GABRB3: variants seen among roughly 807,000 people sequenced by gnomAD.
GABRB3 encodes gamma-aminobutyric acid type A receptor subunit beta3.
GABRB3 carries 14 observed loss-of-function variants against 52.1 expected under a neutral mutation model. The observed-to-expected ratio is 0.27, with a 90% CI of 0.18 to 0.42. The LOEUF (loss-of-function observed/expected upper bound fraction) is 0.42, where lower values mean the gene tolerates loss of function less well. GABRB3 is among the 10% of genes least tolerant of loss of function. GABRB3 has a pLI of 1.00. For missense variants in GABRB3, 307 were observed against 609.1 expected (o/e 0.50, Z 5.22); for synonymous variants, 260 against 232.3 (o/e 1.12, Z -1.08).
At chr15:26,650,997 A>T (rs1887180230) in intron 3 of GABRB3, among the ~76,000 whole-genome samples, 1 of 152,086 alleles carries the variant, frequency 6.6e-6, no homozygotes, top group African/African-American at 2.4e-5. Flanking sequence ...TGTGCGACCA[A>T]CCCAACCTCA....
intron 3 of GABRB3, among the ~76,000 whole-genome samples, chr15:26,716,151 G>C (rs1889458909): frequency 6.6e-6 from 1 of 152,200 alleles, no homozygotes; most frequent in East Asian, 1.9e-4. Context: ...ATGTAAGATT[G>C]TATTGATTTT....
chr15:26,548,553 G>A (rs1002390497), intron 8 of GABRB3, among the ~76,000 whole-genome samples: 2 of 152,028 alleles, frequency 1.3e-5, no homozygotes, highest in Non-Finnish European at 2.9e-5. Flanking sequence ...CTTTTCTGAT[G>A]ATATAACACA....
chr15:26,633,471 C>G (rs1181028280), intron 3 of GABRB3, among the ~76,000 whole-genome samples: 2 of 152,106 alleles, frequency 1.3e-5, no homozygotes, highest in Non-Finnish European at 2.9e-5. Context: ...TTAGACTCTC[C>G]TCTTTCCTTT....
At chr15:26,666,254 T>C (rs1165476400) in intron 3 of GABRB3, 1 of 152,246 alleles carries the variant, frequency 6.6e-6, no homozygotes, top group African/African-American at 2.4e-5. Context: ...ATATTACTTA[T>C]GGTCAAACAA....
Position 26,730,070 on chromosome 15 carries a change from C to A in GABRB3, c.240+42332G>T, listed in dbSNP as rs567525391. Among the ~76,000 whole-genome samples, 3 of 152,282 alleles carry A rather than the reference C, an allele frequency of 2.0e-5. No homozygotes were observed. In the South Asian group the frequency reaches 6.2e-4, roughly 32 times the overall value. Reference sequence around the variant, plus strand: ...ATCATCTCTATACTTACAGGAAGAACACCAATATACACAAAAGAAATTTAG... The same window carrying A: ...ATCATCTCTATACTTACAGGAAGAAAACCAATATACACAAAAGAAATTTAG... On this transcript the variant is annotated intron_variant, in intron 3 of 8. Transcript: ENST00000311550.
intron 3 of GABRB3, among the ~76,000 whole-genome samples, chr15:26,702,525 C>G (rs144408726): frequency 3.9e-5 from 6 of 152,196 alleles, no homozygotes; most frequent in African/African-American, 1.4e-4. Context: ...CAAATCTACT[C>G]GAGTGGCTAA....
At chr15:26,709,749 C>T (rs1889233890) in intron 3 of GABRB3, among the ~76,000 whole-genome samples, 1 of 152,050 alleles carries the variant, frequency 6.6e-6, no homozygotes, top group Admixed American at 6.5e-5. Context: ...AATCTCCTGA[C>T]CTTGTGATCC....
At chr15:26,738,170 C>G (rs1009430982) in intron 3 of GABRB3, among the ~76,000 whole-genome samples, 16 of 152,148 alleles carry the variant, frequency 1.1e-4, no homozygotes, top group African/African-American at 3.9e-4. Flanking sequence ...GCAACCTCCA[C>G]CTCCCCAGTT....
Position 26,546,389 on chromosome 15 carries a change from C to T in GABRB3, c.*1404G>A, listed in dbSNP as rs529053948. The T allele has an allele frequency of 2.6e-5, 4 of 152,350 alleles. No homozygotes were observed. Among genetic ancestry groups the T allele is most frequent in the South Asian group, 2.1e-4 (1 of 4,798 alleles). The allele number at this position is 152,350 out of a possible 1,614,324, so 9.4% of individuals were successfully genotyped here. On this transcript the variant is annotated 3_prime_UTR_variant, in exon 9 of 9. Coordinates refer to ENST00000311550, the MANE Select transcript of GABRB3 (RefSeq NM_000814.6). ...ACCGGTGCACCTTGTCTTGTTTCTA[C>T]GAGCTTTAAAAAGTCCAAATACTGA...
chr15:26,560,799 A>G (rs1424715538), intron 8 of GABRB3, 133 bp downstream of exon 8: 7 of 1,326,086 alleles, frequency 5.3e-6, no homozygotes, highest in Admixed American at 1.7e-5. Flanking sequence ...CATAAGGGCT[A>G]TATCACAAGT....
intron 3 of GABRB3, 107 bp downstream of exon 3, chr15:26,772,295 A>G: frequency 6.1e-6 from 6 of 983,456 alleles, no homozygotes; most frequent in Non-Finnish European, 9.1e-6. Flanking sequence ...CGGACCGGGG[A>G]AACTCGGCCC....
At chr15:26,627,747 T>G (rs1892762281) in intron 3 of GABRB3, among the ~76,000 whole-genome samples, 1 of 152,236 alleles carries the variant, frequency 6.6e-6, no homozygotes, top group Admixed American at 6.5e-5. Context: ...TGGAATCTAC[T>G]CCTGGTGAGG....
chr15:26,600,054 C>G (rs1041946246), intron 4 of GABRB3, among the ~76,000 whole-genome samples: 1 of 151,526 alleles, frequency 6.6e-6, no homozygotes, highest in East Asian at 1.9e-4. Flanking sequence ...AGAAAAGAAC[C>G]AGATACAAAT....
intron 3 of GABRB3, among the ~76,000 whole-genome samples, chr15:26,739,108 G>C (rs1226525706): frequency 6.6e-6 from 1 of 152,044 alleles, no homozygotes; most frequent in Non-Finnish European, 1.5e-5. Flanking sequence ...ATCACTGCCT[G>C]GTGCTGATGC....
Position 26,659,518 on chromosome 15 carries a change from G to T in GABRB3, c.241-37984C>A, listed in dbSNP as rs140506729. Among the ~76,000 whole-genome samples, 1,384 of 152,026 alleles carry T rather than the reference G, an allele frequency of 9.1e-3. 19 individuals are homozygous for T. Among genetic ancestry groups the T allele is most frequent in the African/African-American group, 0.03 (1,252 of 41,456 alleles). On this transcript the variant is annotated intron_variant, in intron 3 of 8. Coordinates refer to ENST00000311550, the MANE Select transcript of GABRB3 (RefSeq NM_000814.6). Reference sequence around the variant, plus strand: ...GCCTAGGCGACAGAGAGAGACTCTGGCTCAAAAAAATAAATAAATAAGTAA... The same window carrying T: ...GCCTAGGCGACAGAGAGAGACTCTGTCTCAAAAAAATAAATAAATAAGTAA...
At chr15:26,607,422 G>A (rs146666337) in intron 4 of GABRB3, among the ~76,000 whole-genome samples, 323 of 152,188 alleles carry the variant, frequency 2.1e-3, no homozygotes, top group Non-Finnish European at 3.9e-3. Context: ...GTCTTTTTAA[G>A]TTAGCCAGGT....
intron 3 of GABRB3, among the ~76,000 whole-genome samples, chr15:26,687,686 A>T (rs1438395272): frequency 6.6e-6 from 1 of 152,216 alleles, no homozygotes; most frequent in Admixed American, 6.5e-5. Flanking sequence ...GAAAAGTTTG[A>T]CTGACAAGAG....
chr15:26,653,253 A>T (rs541100905), intron 3 of GABRB3, among the ~76,000 whole-genome samples: 15 of 152,342 alleles, frequency 9.8e-5, no homozygotes, highest in African/African-American at 3.1e-4. Flanking sequence ...GGAGTCATGC[A>T]GAAAGAGGCC....
At chr15:26,622,703 C>T (rs973611146) in intron 3 of GABRB3, among the ~76,000 whole-genome samples, 3 of 152,166 alleles carry the variant, frequency 2.0e-5, no homozygotes, top group African/African-American at 7.2e-5. Flanking sequence ...GGGCAATTCA[C>T]GGTGTTGCTA....
Sources: allele counts gnomAD v4.1 joint callset (sites outside exome capture counted in the v4.1 genomes callset), GRCh38; gene constraint gnomAD v4.1.1; transcripts MANE v1.5; gene names NCBI Gene and HGNC (gene_info 2026-07-23, HGNC 2026-07-21).